FAM135B: variants seen among roughly 807,000 people sequenced by gnomAD.
FAM135B encodes the protein protein FAM135B.
Under a neutral mutation model 127.7 loss-of-function variants are expected in FAM135B, and 43 were observed. The ratio of observed to expected loss-of-function variants is 0.34; its 90% CI spans 0.26 to 0.43. The LOEUF (loss-of-function observed/expected upper bound fraction) is 0.43, where lower values mean the gene tolerates loss of function less well. Among genes scored for constraint, FAM135B ranks in the 20% least tolerant of loss-of-function variants. The pLI is 1.00. For missense variants in FAM135B, 1,558 were observed against 1,725.6 expected (o/e 0.90, Z 1.72); for synonymous variants, 670 against 665.1 (o/e 1.01, Z -0.11).
At chr8:138,253,418 AG>A (rs1821851254) in intron 5 of FAM135B, among the ~76,000 whole-genome samples, 1 of 152,034 alleles carries the variant, frequency 6.6e-6, no homozygotes, top group South Asian at 2.1e-4. Flanking sequence ...TTGTGGTGGG[AG>A]GGGGCACTGC....
At chr8:138,194,491 G>T (rs1816446599) in intron 9 of FAM135B, among the ~76,000 whole-genome samples, 1 of 152,204 alleles carries the variant, frequency 6.6e-6, no homozygotes, top group Non-Finnish European at 1.5e-5. Flanking sequence ...GTTTCAGCCA[G>T]TTTGTATGCC....
At chr8:138,376,371 A>G (rs964677415) in intron 1 of FAM135B, among the ~76,000 whole-genome samples, 2 of 152,186 alleles carry the variant, frequency 1.3e-5, no homozygotes, top group African/African-American at 4.8e-5. Flanking sequence ...GCTGATCAGC[A>G]TCCTCTTTCC....
At chr8:138,489,130 T>A (rs555173112) in intron 1 of FAM135B, among the ~76,000 whole-genome samples, 30 of 152,344 alleles carry the variant, frequency 2.0e-4, no homozygotes, top group African/African-American at 5.8e-4. Context: ...TCCGCCAAAC[T>A]CTTTTCTGAG....
intron 1 of FAM135B, among the ~76,000 whole-genome samples, chr8:138,387,118 T>C (rs140777299): frequency 3.0e-4 from 45 of 152,334 alleles, no homozygotes; most frequent in Admixed American, 1.7e-3. Flanking sequence ...TGTTATTTGA[T>C]ATTTGGAAAT....
At position 138,167,455 on chromosome 8, in the gene FAM135B, C is replaced by G. The variant is rs530344128; in HGVS notation, c.1258+440G>C. Among the ~76,000 whole-genome samples the G allele has an allele frequency of 2.0e-5, 3 of 152,314 alleles. 1 individual carries two copies. In the South Asian group the frequency reaches 6.2e-4, roughly 32 times the overall value. The stretch of plus-strand genomic sequence containing the variant: ...AGTTGATCTGCCCACCTCGGCCTCC[C>G]AAAGTGCTGGGATTACAGGCGCGAG... On this transcript the variant is annotated intron_variant, in intron 12 of 19. Transcript: ENST00000395297.
chr8:138,468,824 C>T (rs1156565466), intron 1 of FAM135B, among the ~76,000 whole-genome samples: 1 of 152,176 alleles, frequency 6.6e-6, no homozygotes, highest in East Asian at 1.9e-4. Flanking sequence ...GCGGGCAGAT[C>T]ACCTGAGGTC....
intron 12 of FAM135B, among the ~76,000 whole-genome samples, chr8:138,166,048 C>CA (rs1165837028): frequency 6.6e-6 from 1 of 152,196 alleles, no homozygotes; most frequent in African/African-American, 2.4e-5. Context: ...CTTGCACAGA[C>CA]AGCGAGGCAG....
chr8:138,437,214 A>T (rs1348650323), intron 1 of FAM135B: 1 of 152,250 alleles, frequency 6.6e-6, no homozygotes, highest in Admixed American at 6.5e-5. Context: ...GAGAAGAAGA[A>T]TATAGACACA....
At chr8:138,185,317 T>C (rs1307626268) in intron 9 of FAM135B, among the ~76,000 whole-genome samples, 1 of 152,188 alleles carries the variant, frequency 6.6e-6, no homozygotes, top group Non-Finnish European at 1.5e-5. Flanking sequence ...GGAAGGTAGA[T>C]AGTGTCCCGG....
intron 11 of FAM135B, among the ~76,000 whole-genome samples, 180 bp downstream of exon 11, chr8:138,177,167 C>A (rs182890602): frequency 6.6e-6 from 1 of 152,294 alleles, no homozygotes; most frequent in Admixed American, 6.5e-5. Flanking sequence ...CTGCCACCTG[C>A]CAGCTCCCCA....
chr8:138,432,479 T>C (rs1835246285), intron 1 of FAM135B, among the ~76,000 whole-genome samples: 1 of 151,944 alleles, frequency 6.6e-6, no homozygotes, highest in African/African-American at 2.4e-5. Context: ...TTCTGTGCAG[T>C]CTTTGACCAT....
At chr8:138,447,562 C>A (rs886628833) in intron 1 of FAM135B, among the ~76,000 whole-genome samples, 5 of 151,704 alleles carry the variant, frequency 3.3e-5, no homozygotes, top group Admixed American at 6.6e-5. Flanking sequence ...GGACAAAAAA[C>A]CAAACACTGC....
rs374914237 is a variant in FAM135B at position 138,373,806 on chromosome 8, C to T, written c.-19-5804G>A. Among the ~76,000 whole-genome samples, 170 of 152,120 alleles carry T rather than the reference C, an allele frequency of 1.1e-3. 2 individuals carry two copies. The highest frequency in any genetic ancestry group is 0.01 in the Middle Eastern group (3 of 294). ...AGGGACGAAATAAGCCCCAGTCTCC[C>T]GTAGCGCTCCCAGGCTTATTAGGAA... is the stretch of plus-strand genomic sequence containing the variant. On this transcript the variant is annotated intron_variant, in intron 1 of 19. Coordinates refer to ENST00000395297, the MANE Select transcript of FAM135B (RefSeq NM_015912.4).
chr8:138,276,496 C>T (rs1193744634), intron 3 of FAM135B, among the ~76,000 whole-genome samples: 1 of 152,116 alleles, frequency 6.6e-6, no homozygotes, highest in African/African-American at 2.4e-5. Context: ...GGTTGCTCTG[C>T]CTTTGTTTTC....
chr8:138,301,620 C>T (rs1196460835), intron 3 of FAM135B, among the ~76,000 whole-genome samples: 2 of 152,188 alleles, frequency 1.3e-5, no homozygotes, highest in Non-Finnish European at 2.9e-5. Flanking sequence ...CTGCCCCAGG[C>T]CCTCTGCTAG....
chr8:138,497,173 G>T lies in FAM135B; in HGVS notation c.-522C>A, dbSNP rs1316351098. On this transcript the variant is annotated 5_prime_UTR_variant, in exon 1 of 20. Coordinates refer to ENST00000395297, the MANE Select transcript of FAM135B (RefSeq NM_015912.4). ...CCAGACCCTCCGCGCCGCGCCGCGC[G>T]CCCTCGCGGCCGGGAGAGCCCGCCC... is the stretch of plus-strand genomic sequence containing the variant. 3.0e-4 allele frequency among the ~76,000 whole-genome samples: 46 copies of T among 151,186 alleles called. 1 individual carries two copies. Among genetic ancestry groups the T allele is most frequent in the Non-Finnish European group, 2.1e-4 (14 of 67,714 alleles).
chr8:138,197,613 T>A lies in FAM135B; in HGVS notation c.726A>T (p.Arg242=), dbSNP rs1586748189. 1 of 1,614,076 alleles carries A rather than the reference T, an allele frequency of 6.2e-7. No individual in the cohort carries two copies. Among genetic ancestry groups the A allele is most frequent in the Middle Eastern group, 1.6e-4 (1 of 6,062 alleles). Residue 242 remains arginine, a synonymous_variant, in exon 8 of 20, where the codon CGA becomes CGT. Transcript: ENST00000395297. ...CGTGGAGGAGCAACAGGCACAGGTC[T>A]CGGTGCCACTTGTGTGCGTGCTGCA... ...NCMQHAHKWH[R]DLCLLLLHAY... is the part of the protein sequence containing the mutation.
intron 3 of FAM135B, among the ~76,000 whole-genome samples, chr8:138,280,496 A>T (rs1308218861): frequency 6.6e-6 from 1 of 152,094 alleles, no homozygotes; most frequent in Non-Finnish European, 1.5e-5. Context: ...CACAAGGAGC[A>T]CTTATCCCCG....
intron 3 of FAM135B, among the ~76,000 whole-genome samples, chr8:138,301,918 G>A (rs966344624): frequency 6.6e-6 from 1 of 152,042 alleles, no homozygotes; most frequent in African/African-American, 2.4e-5. Context: ...GGCATCTCAG[G>A]GTTCAGAGAG....
Sources: allele counts gnomAD v4.1 joint callset (sites outside exome capture counted in the v4.1 genomes callset), GRCh38; gene constraint gnomAD v4.1.1; transcripts MANE v1.5; gene names NCBI Gene and HGNC (gene_info 2026-07-23, HGNC 2026-07-21).